The following REC114 variants were observed in gnomAD, a reference collection of about 807,000 sequenced individuals.
REC114 encodes meiotic recombination protein REC114.
In REC114, 27 loss-of-function variants were observed where a neutral mutation model predicts 31.3. The observed-to-expected ratio is 0.86, with a 90% CI of 0.64 to 1.19. The LOEUF (loss-of-function observed/expected upper bound fraction) is 1.19, where lower values mean the gene tolerates loss of function less well. REC114 is among the 50% of genes most tolerant of loss of function. The probability of loss-of-function intolerance (pLI) is 0.00; values close to 1 mark genes in which losing one functional copy is unlikely to be tolerated. For synonymous variants in REC114, 134 were observed against 127.7 expected (o/e 1.05, Z -0.33); for missense variants, 344 against 326.9 (o/e 1.05, Z -0.40).
chr15:73,478,865 A>C (rs1893253492), intron 2 of REC114, among the ~76,000 whole-genome samples: 1 of 152,180 alleles, frequency 6.6e-6, no homozygotes, highest in African/African-American at 2.4e-5. Context: ...TTTGTTGCTG[A>C]TGTTTAGAAA....
chr15:73,485,490 G>A (rs1200599315), intron 2 of REC114, among the ~76,000 whole-genome samples: 2 of 152,174 alleles, frequency 1.3e-5, no homozygotes, highest in African/African-American at 4.8e-5. Context: ...TAGGTGGGGC[G>A]TGGTGGAAGA....
chr15:73,544,425 C>A (rs533475150), intron 3 of REC114, among the ~76,000 whole-genome samples: 2 of 152,132 alleles, frequency 1.3e-5, no homozygotes. Context: ...CCTTTTATAG[C>A]AATTTAATAT....
chr15:73,544,100 C>A (rs561580940), intron 3 of REC114, among the ~76,000 whole-genome samples: 57 of 152,210 alleles, frequency 3.7e-4, no homozygotes, highest in African/African-American at 1.3e-3. Flanking sequence ...AGTGTGCCAC[C>A]ATGCCTAGCC....
At chr15:73,460,427 A>G (rs1014616639) in intron 1 of REC114, among the ~76,000 whole-genome samples, 2 of 152,202 alleles carry the variant, frequency 1.3e-5, no homozygotes, top group African/African-American at 2.4e-5. Context: ...GAGCTAGCCA[A>G]TTAAGCTCAA....
chr15:73,559,439 C>T (rs1044622444), intron 5 of REC114, among the ~76,000 whole-genome samples: 2 of 152,300 alleles, frequency 1.3e-5, no homozygotes, highest in East Asian at 3.9e-4. Context: ...TTTCAATCCA[C>T]AGGTTATCAG....
At chr15:73,533,633 CAG>C (rs1894116113) in intron 2 of REC114, among the ~76,000 whole-genome samples, 1 of 150,012 alleles carries the variant, frequency 6.7e-6, no homozygotes, top group South Asian at 2.1e-4. Flanking sequence ...ATCAATGAGA[CAG>C]AAAGTCAACA....
At chr15:73,496,528 C>G (rs995556555) in intron 2 of REC114, among the ~76,000 whole-genome samples, 1 of 151,596 alleles carries the variant, frequency 6.6e-6, no homozygotes, top group African/African-American at 2.4e-5. Flanking sequence ...TGGCGGACAC[C>G]TGTAATCCCA....
intron 2 of REC114, among the ~76,000 whole-genome samples, chr15:73,496,677 C>T (rs565796213): frequency 2.7e-4 from 41 of 150,058 alleles, no homozygotes; most frequent in African/African-American, 9.5e-4. Flanking sequence ...AAATTGCAAA[C>T]GTAGTATAAG....
intron 2 of REC114, among the ~76,000 whole-genome samples, chr15:73,501,447 A>G (rs555214996): frequency 6.6e-6 from 1 of 152,284 alleles, no homozygotes; most frequent in Non-Finnish European, 1.5e-5. Context: ...CAGCAGCAGC[A>G]GCAGCATTAT....
At chr15:73,484,193 C>T (rs2141298683) in intron 2 of REC114, among the ~76,000 whole-genome samples, 1 of 151,912 alleles carries the variant, frequency 6.6e-6, no homozygotes, top group African/African-American at 2.4e-5. Context: ...TGATCTTCTC[C>T]ACTCCTGTTT....
intron 2 of REC114, among the ~76,000 whole-genome samples, chr15:73,502,464 A>G (rs1246355564): frequency 6.6e-6 from 1 of 152,218 alleles, no homozygotes; most frequent in African/African-American, 2.4e-5. Context: ...CATATTTTCT[A>G]TGTTACATGT....
intron 1 of REC114, among the ~76,000 whole-genome samples, chr15:73,458,114 A>G (rs948797290): frequency 3.3e-5 from 5 of 152,204 alleles, no homozygotes; most frequent in African/African-American, 1.2e-4. Flanking sequence ...ATCAGTCTTC[A>G]TGGCCCAATT....
intron 1 of REC114, among the ~76,000 whole-genome samples, chr15:73,470,539 T>G (rs370388559): frequency 2.3e-3 from 356 of 152,272 alleles, no homozygotes; most frequent in Middle Eastern, 6.8e-3. Context: ...TACTTAACCA[T>G]CCAACAAAAT....
intron 2 of REC114, among the ~76,000 whole-genome samples, chr15:73,536,063 C>T (rs1166398988): frequency 2.0e-5 from 3 of 151,470 alleles, no homozygotes; most frequent in Admixed American, 1.3e-4. Flanking sequence ...GACCTAAAAC[C>T]ATAAAAACCC....
intron 2 of REC114, among the ~76,000 whole-genome samples, chr15:73,488,859 T>C (rs1168537696): frequency 6.6e-6 from 1 of 152,162 alleles, no homozygotes; most frequent in Admixed American, 6.5e-5. Flanking sequence ...TATTCCAGCC[T>C]GTACCCATTA....
intron 3 of REC114, among the ~76,000 whole-genome samples, chr15:73,549,240 C>A (rs994287563): frequency 6.6e-6 from 1 of 152,080 alleles, no homozygotes; most frequent in Non-Finnish European, 1.5e-5. Flanking sequence ...GGGGTCATTA[C>A]GTTAAGTGAA....
intron 1 of REC114, among the ~76,000 whole-genome samples, chr15:73,469,670 G>A (rs1478730933): frequency 6.8e-6 from 1 of 147,272 alleles, no homozygotes; most frequent in Non-Finnish European, 1.5e-5. Flanking sequence ...CCTTAGGCAA[G>A]CCTTAGACTC....
chr15:73,478,212 C>T lies in REC114; in HGVS notation c.249+4291C>T, dbSNP rs573685058. 9.9e-5 allele frequency among the ~76,000 whole-genome samples: 14 copies of T among 141,752 alleles called. No homozygotes were observed. In the South Asian group the frequency reaches 1.4e-3, roughly 14 times the overall value. The allele number at this position is 141,752 out of a possible 152,430, so 93.0% of individuals were successfully genotyped here. A position where few individuals can be genotyped will look rare whatever the true frequency, so the allele number is the denominator to read the frequency against. On this transcript the variant is annotated intron_variant, in intron 2 of 5. Transcript: ENST00000331090. The stretch of plus-strand genomic sequence containing the variant: ...CCAGGAGACAGAGGTTGCAGTGACC[C>T]GACACGGTGCCACTGCACTCCAGCC...
At chr15:73,521,922 AAG>A (rs1893941306) in intron 2 of REC114, among the ~76,000 whole-genome samples, 1 of 152,224 alleles carries the variant, frequency 6.6e-6, no homozygotes, top group South Asian at 2.1e-4. Flanking sequence ...ATAATAGAAA[AAG>A]GGAATAGTTC....
Sources: gnomAD v4.1 joint callset for allele counts (sites outside exome capture counted in the v4.1 genomes callset) on GRCh38, gnomAD v4.1.1 for gene constraint, MANE v1.5 for transcripts, NCBI Gene and HGNC (gene_info 2026-07-23, HGNC 2026-07-21) for gene names.